GTF3C4: variants seen among roughly 807,000 people sequenced by gnomAD.
The protein encoded by GTF3C4 is general transcription factor IIIC subunit 4.
In GTF3C4, 28 loss-of-function variants were observed where a neutral mutation model predicts 67.5. That is an observed-to-expected ratio of 0.41 (90% CI 0.31 to 0.57). The LOEUF (loss-of-function observed/expected upper bound fraction) is 0.57, where lower values mean the gene tolerates loss of function less well. Among genes scored for constraint, GTF3C4 ranks in the 20% least tolerant of loss-of-function variants. GTF3C4 has a pLI of 0.21. For missense variants in GTF3C4, 831 were observed against 1,033.2 expected (o/e 0.80, Z 2.68); for synonymous variants, 409 against 393.0 (o/e 1.04, Z -0.48).
rs1835888111 is a variant in GTF3C4 at position 132,678,058 on chromosome 9, T to C, written c.439T>C (p.Leu147=). The change falls in exon 2 of 5, where the codon TTG becomes CTG. Residue 147 remains leucine, a synonymous_variant. Transcript: ENST00000372146. This position sits in a 1 kb window ranked among gnomAD's most constrained non-coding sequence, Gnocchi z 6.5. The part of the protein sequence containing the change: ...KDPTVSQTFM[L]DRVFNPEGKA... Reference sequence around the variant, plus strand: ...CCCCACGGTCAGTCAGACTTTCATGTTGGATAGGGTGTTCAACCCTGAGGG... The same window carrying C: ...CCCCACGGTCAGTCAGACTTTCATGCTGGATAGGGTGTTCAACCCTGAGGG... 3.7e-6 allele frequency: 6 copies of C among 1,614,146 alleles called. No homozygotes were observed. In the East Asian group the frequency reaches 6.7e-5, roughly 18 times the overall value.
At chr9:132,685,956 A>G (rs1836020511) in intron 3 of GTF3C4, among the ~76,000 whole-genome samples, 1 of 152,264 alleles carries the variant, frequency 6.6e-6, no homozygotes, top group South Asian at 2.1e-4. Context: ...ATTGAAGGCA[A>G]AATTAATGAT....
chr9:132,681,840 T>C (rs897955474), intron 2 of GTF3C4, among the ~76,000 whole-genome samples: 1 of 151,946 alleles, frequency 6.6e-6, no homozygotes, highest in African/African-American at 2.4e-5. Context: ...GAGATATATC[T>C]GGGCCGGGCA....
chr9:132,682,015 C>A (rs1835952973), intron 2 of GTF3C4, among the ~76,000 whole-genome samples: 1 of 151,118 alleles, frequency 6.6e-6, no homozygotes, highest in African/African-American at 2.4e-5. Context: ...TGGCACAGGC[C>A]TGTAGTCCTA....
chr9:132,678,222 G>A lies in GTF3C4; in HGVS notation c.603G>A (p.Gln201=). 1 of 1,614,268 alleles carries A rather than the reference G, an allele frequency of 6.2e-7. No individual in the cohort carries two copies. The highest frequency in any genetic ancestry group is 8.5e-7 in the Non-Finnish European group (1 of 1,180,048). The part of the protein sequence containing the change: ...LTIQANLNRL[Q]WVQLVDLTEI... Reference sequence around the variant, plus strand: ...TCCAGGCAAATCTCAACAGACTGCAGTGGGTCCAGCTGGTTGACCTGACTG... The same window carrying A: ...TCCAGGCAAATCTCAACAGACTGCAATGGGTCCAGCTGGTTGACCTGACTG... The change falls in exon 2 of 5, where the codon CAG becomes CAA. Residue 201 remains glutamine, a synonymous_variant. Transcript: ENST00000372146. This position sits in a 1 kb window ranked among gnomAD's most constrained non-coding sequence, Gnocchi z 6.5.
upstream of GTF3C4, chr9:132,670,360 G>T: frequency 7.5e-7 from 1 of 1,335,390 alleles, no homozygotes; most frequent in East Asian, 2.9e-5. Flanking sequence ...CCCTGGGCAG[G>T]GAAAAGGGGG....
intron 3 of GTF3C4, among the ~76,000 whole-genome samples, chr9:132,684,628 G>A (rs995963920): frequency 2.6e-5 from 4 of 152,112 alleles, no homozygotes; most frequent in African/African-American, 7.2e-5. Flanking sequence ...CATCTTGTTC[G>A]CTTCACTCCA....
At chr9:132,674,491 G>A (rs1057010628) in intron 1 of GTF3C4, among the ~76,000 whole-genome samples, 1 of 152,178 alleles carries the variant, frequency 6.6e-6, no homozygotes, top group African/African-American at 2.4e-5. Context: ...ACAATGAGTA[G>A]GACCAAGGGT....
Position 132,679,008 on chromosome 9 carries a change from C to T in GTF3C4, c.1389C>T (p.His463=), listed in dbSNP as rs1475857676. 3 of 1,614,124 alleles carry T rather than the reference C, an allele frequency of 1.9e-6. No individual in the cohort carries two copies. The highest frequency in any genetic ancestry group is 2.5e-6 in the Non-Finnish European group (3 of 1,180,008). Reference sequence around the variant, plus strand: ...CAGATGTTGCATTGAAGTTTGAACACCAGTTGATTAAACTCTCAGATGTGT... The same window carrying T: ...CAGATGTTGCATTGAAGTTTGAACATCAGTTGATTAAACTCTCAGATGTGT... ...IFTDVALKFE[H]QLIKLSDVFG... The change falls in exon 2 of 5, where the codon CAC becomes CAT. Residue 463 remains histidine, a synonymous_variant. Coordinates refer to ENST00000372146, the MANE Select transcript of GTF3C4 (RefSeq NM_012204.4). The surrounding 1 kb of genome is among the most constrained non-coding windows in gnomAD (Gnocchi z 5.9).
Position 132,690,294 on chromosome 9 carries a change from G to GTT in GTF3C4, c.*1350_*1351dup, listed in dbSNP as rs1295760212. ...CTCCGTCTCTACTACAAATACAAAAGTTAGCCTGGCATGGTGGCGCATGCC... is the reference window on the plus strand; with the variant it reads ...CTCCGTCTCTACTACAAATACAAAAGTTTTAGCCTGGCATGGTGGCGCATGCC... On this transcript the variant is annotated 3_prime_UTR_variant, in exon 5 of 5. Coordinates refer to ENST00000372146, the MANE Select transcript of GTF3C4 (RefSeq NM_012204.4). The GTT allele has an allele frequency of 6.6e-6, 1 of 152,072 alleles. No individual in the cohort carries two copies. The highest frequency in any genetic ancestry group is 1.5e-5 in the Non-Finnish European group (1 of 68,034). 9.4% of individuals were successfully genotyped at this position (152,072 alleles called of 1,614,324 possible). A position where few individuals can be genotyped will look rare whatever the true frequency, so the allele number is the denominator to read the frequency against.
upstream of GTF3C4, chr9:132,670,061 G>A (rs539166577): frequency 3.3e-5 from 52 of 1,564,192 alleles, no homozygotes; most frequent in African/African-American, 6.2e-4. Flanking sequence ...GGCTCCAGCT[G>A]TACGGACTCG....
Position 132,690,509 on chromosome 9 carries a change from G to T in GTF3C4, c.*1564G>T, listed in dbSNP as rs1229951154. The T allele has an allele frequency of 2.0e-5, 1 of 50,462 alleles. No homozygotes were observed. Among genetic ancestry groups the T allele is most frequent in the Non-Finnish European group, 4.0e-5 (1 of 24,868 alleles). 3.1% of individuals were successfully genotyped at this position (50,462 alleles called of 1,614,324 possible). A position where few individuals can be genotyped will look rare whatever the true frequency, so the allele number is the denominator to read the frequency against. On this transcript the variant is annotated 3_prime_UTR_variant, in exon 5 of 5. Coordinates refer to ENST00000372146, the MANE Select transcript of GTF3C4 (RefSeq NM_012204.4). ...ACGGCAACCTCCCCACCCCCACCCC[G>T]CATTGATAGGTAGTGCAGACCAGCC...
chr9:132,692,657 G>A lies in GTF3C4; in HGVS notation c.*3712G>A, dbSNP rs1440562185. On this transcript the variant is annotated 3_prime_UTR_variant, in exon 5 of 5. Transcript: ENST00000372146. Reference sequence around the variant, plus strand: ...ATAATTCATTATGATGTATCTTTATGCTCTTTCACTGCTCTTCTGTGCGTT... The same window carrying A: ...ATAATTCATTATGATGTATCTTTATACTCTTTCACTGCTCTTCTGTGCGTT... 2.0e-5 allele frequency: 3 copies of A among 152,194 alleles called. No homozygotes were observed. Among genetic ancestry groups the A allele is most frequent in the African/African-American group, 7.2e-5 (3 of 41,432 alleles). The allele number at this position is 152,194 out of a possible 1,614,324, so 9.4% of individuals were successfully genotyped here. A position where few individuals can be genotyped will look rare whatever the true frequency, so the allele number is the denominator to read the frequency against.
Position 132,678,809 on chromosome 9 carries a change from CTT to C in GTF3C4, c.1191_1192del (p.Tyr398CysfsTer46). 1.9e-6 allele frequency: 3 copies of C among 1,614,132 alleles called. No individual in the cohort carries two copies. Among genetic ancestry groups the C allele is most frequent in the Non-Finnish European group, 2.5e-6 (3 of 1,180,006 alleles). ...AGCTTAGTAGTGGCTGCAAGAGGCT[CTT>C]ATGTATTTTGGTGTCTTCTTCTGAT... On this transcript the variant is annotated frameshift_variant, in exon 2 of 5. Coordinates refer to ENST00000372146, the MANE Select transcript of GTF3C4 (RefSeq NM_012204.4). LOFTEE classifies it high-confidence loss of function. This position sits in a 1 kb window ranked among gnomAD's most constrained non-coding sequence, Gnocchi z 6.5.
intron 1 of GTF3C4, among the ~76,000 whole-genome samples, chr9:132,674,527 C>A (rs550236256): frequency 6.6e-6 from 1 of 152,316 alleles, no homozygotes; most frequent in Non-Finnish European, 1.5e-5. Context: ...TATTTCATCC[C>A]GTGCTGCTGC....
In GTF3C4 at chr9:132,688,849, A is replaced by C. The variant is rs757755838; in HGVS notation, c.2405-32A>C. On this transcript the variant is annotated intron_variant, in intron 4 of 4. Coordinates refer to ENST00000372146, the MANE Select transcript of GTF3C4 (RefSeq NM_012204.4). The stretch of plus-strand genomic sequence containing the variant: ...CCTTTTGACTGTCTTTTCCGAAGCT[A>C]ACAGTTGATACCACTTGTCCTCCTT... 70 of 1,536,922 alleles carry C rather than the reference A, an allele frequency of 4.6e-5. No individual in the cohort carries two copies. In the South Asian group the frequency reaches 7.7e-4, roughly 17 times the overall value.
chr9:132,686,911 A>G (rs1836038760), intron 3 of GTF3C4, among the ~76,000 whole-genome samples: 1 of 152,244 alleles, frequency 6.6e-6, no homozygotes, highest in Non-Finnish European at 1.5e-5. Flanking sequence ...ATAATTCTCA[A>G]TATAATACAT....
Position 132,670,815 on chromosome 9 carries a change from T to G in GTF3C4, c.217T>G (p.Ser73Ala). 6 of 1,605,864 alleles carry G rather than the reference T, an allele frequency of 3.7e-6. No homozygotes were observed. The highest frequency in any genetic ancestry group is 5.1e-6 in the Non-Finnish European group (6 of 1,178,630). ...GAGCGGCCTGGAACCGCTGGCTTGG[T>G]CCGAGGACCACCGCGTGTCTGTGTC... ...AVSGLEPLAW[S>A]EDHRVSVSTA... is the part of the protein sequence containing the mutation. The change falls in exon 1 of 5, where the codon TCC becomes GCC. Residue 73 changes from serine to alanine, a missense_variant. Physicochemically the swap from Ser to Ala is moderately conservative, Grantham distance 99 (BLOSUM62 1). This residue lies in a region of GTF3C4 where 237 missense variants were observed against 212.7 expected (regional missense o/e 1.11). Transcript: ENST00000372146.
intron 2 of GTF3C4, among the ~76,000 whole-genome samples, chr9:132,682,595 CTTTTT>C (rs34962674): frequency 4.3e-5 from 4 of 92,574 alleles, no homozygotes; most frequent in African/African-American, 8.8e-5. Flanking sequence ...ACAGTATAAT[CTTTTT>C]TTTTTTTTTT....
rs1835700384 is a variant in GTF3C4 at position 132,670,576 on chromosome 9, C to T, written c.-23C>T. The T allele has an allele frequency of 1.4e-6, 2 of 1,405,416 alleles. No individual in the cohort carries two copies. Among genetic ancestry groups the T allele is most frequent in the Non-Finnish European group, 9.3e-7 (1 of 1,079,118 alleles). 87.1% of individuals were successfully genotyped at this position (1,405,416 alleles called of 1,614,324 possible). A position where few individuals can be genotyped will look rare whatever the true frequency, so the allele number is the denominator to read the frequency against. Reference sequence around the variant, plus strand: ...GCGACTGCGTGGAGCGCCAGGGCGTCCGACCTCTGCACCTGAGAGAAGATG... The same window carrying T: ...GCGACTGCGTGGAGCGCCAGGGCGTTCGACCTCTGCACCTGAGAGAAGATG... On this transcript the variant is annotated 5_prime_UTR_variant, in exon 1 of 5. Transcript: ENST00000372146.
Sources: gnomAD v4.1 joint callset for allele counts (sites outside exome capture counted in the v4.1 genomes callset) on GRCh38, gnomAD v4.1.1 for gene constraint, gnomAD v4.1.1 regional missense constraint, Gnocchi (gnomAD v3.1) non-coding constraint, MANE v1.5 for transcripts, NCBI Gene and HGNC (gene_info 2026-07-23, HGNC 2026-07-21) for gene names.